CDKL5: variants seen among roughly 807,000 people sequenced by gnomAD.
CDKL5 encodes cyclin-dependent kinase-like 5.
A neutral mutation model predicts 61.7 loss-of-function variants in CDKL5; 8 were observed. That is an observed-to-expected ratio of 0.13 (90% CI 0.08 to 0.23). The LOEUF is 0.23. CDKL5 is among the 10% of genes least tolerant of loss of function. The pLI is 1.00. For synonymous variants in CDKL5, 275 were observed against 272.3 expected (o/e 1.01, Z -0.10); for missense variants, 440 against 734.5 (o/e 0.60, Z 4.63).
At chrX:18,459,798 G>A (rs748289820) in intron 1 of CDKL5, among the ~76,000 whole-genome samples, 20 of 93,394 alleles carry the variant, frequency 2.1e-4, no homozygotes, top group Admixed American at 1.0e-3. Flanking sequence ...TGTGCCTCCC[G>A]GGTTCAAGTG....
At position 18,598,512 on chromosome X, in the gene CDKL5, G is replaced by A. The variant is rs1926080036; in HGVS notation, c.876G>A (p.Leu292=). The A allele has an allele frequency of 8.3e-7, 1 of 1,204,359 alleles. No individual in the cohort carries two copies. Among genetic ancestry groups the A allele is most frequent in the Non-Finnish European group, 1.1e-6 (1 of 889,982 alleles). Residue 292 remains leucine, a synonymous_variant, in exon 11 of 18, where the codon TTG becomes TTA. Transcript: ENST00000623535. ...ACAGATACTTGACAGAACAGTGTTT[G>A]AATCACCCTACATTTCAAACCCAGA... is the stretch of plus-strand genomic sequence containing the variant. ...PADRYLTEQC[L]NHPTFQTQRL...
intron 1 of CDKL5, among the ~76,000 whole-genome samples, chrX:18,445,567 G>A (rs921115434): frequency 3.6e-5 from 4 of 111,705 alleles, no homozygotes; most frequent in Non-Finnish European, 7.5e-5. Flanking sequence ...ATCTGATCTC[G>A]AATTGTAATC....
intron 1 of CDKL5, among the ~76,000 whole-genome samples, chrX:18,434,190 A>C (rs773581740): frequency 8.9e-6 from 1 of 112,163 alleles, no homozygotes; most frequent in East Asian, 2.8e-4. Flanking sequence ...TTGCTTGGGT[A>C]GACGGACACT....
At position 18,509,197 on chromosome X, in the gene CDKL5, G is replaced by GCACGCGCGCGCGCACACACA. The variant is rs1204561636; in HGVS notation, c.65-1620_65-1619insGCGCGCGCGCACACACACAC. 2.2e-4 allele frequency among the ~76,000 whole-genome samples: 14 copies of GCACGCGCGCGCGCACACACA among 64,308 alleles called. No individual in the cohort carries two copies. In the East Asian group the frequency reaches 4.1e-3, roughly 19 times the overall value. The allele number at this position is 64,308 out of a possible 115,157, so 55.8% of individuals were successfully genotyped here. ...AGAGAGCGAGACTGTCTCAAAACACGCACACACACACACACACACACACAC... is the reference window on the plus strand; with the variant it reads ...AGAGAGCGAGACTGTCTCAAAACACGCACGCGCGCGCGCACACACACACACACACACACACACACACACAC... On this transcript the variant is annotated intron_variant, in intron 2 of 17. Transcript: ENST00000623535.
chrX:18,645,683 C>G (rs1390896915), intron 19 of CDKL5, among the ~76,000 whole-genome samples: 4 of 111,300 alleles, frequency 3.6e-5, no homozygotes, highest in Non-Finnish European at 7.5e-5. Context: ...TGCTCTGGCC[C>G]CACAGGAACC....
Position 18,567,613 on chromosome X carries a change from G to A in CDKL5, c.145+3091G>A, listed in dbSNP as rs148650595. Among the ~76,000 whole-genome samples, 571 of 111,764 alleles carry A rather than the reference G, an allele frequency of 5.1e-3. 1 individual carries two copies. Among genetic ancestry groups the A allele is most frequent in the Non-Finnish European group, 5.3e-3 (284 of 53,181 alleles). ...ACAAAATGCTTTGGCTGGGTGTGGT[G>A]GCTCACACTTGTAATCCCAGCACTT... On this transcript the variant is annotated intron_variant, in intron 4 of 17. Transcript: ENST00000623535.
At chrX:18,613,103 A>T (rs1926610088) in intron 14 of CDKL5, 49 bp from the exon 15 acceptor site, 1 of 1,034,901 alleles carries the variant, frequency 9.7e-7, no homozygotes, top group Non-Finnish European at 1.3e-6. Flanking sequence ...TAAAAAAAAA[A>T]AAAAAAAAAA....
chrX:18,569,465 A>G (rs760568629), intron 4 of CDKL5, among the ~76,000 whole-genome samples: 1 of 112,220 alleles, frequency 8.9e-6, no homozygotes, highest in African/African-American at 3.2e-5. Context: ...TTTTCAGACT[A>G]TGTATAAATT....
At chrX:18,519,218 G>C (rs1000522845) in intron 3 of CDKL5, among the ~76,000 whole-genome samples, 25 of 112,152 alleles carry the variant, frequency 2.2e-4, no homozygotes, top group Admixed American at 1.5e-3. Flanking sequence ...TTGTTGGAAT[G>C]CAGCCACAGT....
At chrX:18,619,793 C>G in intron 15 of CDKL5, 74 bp from the exon 16 acceptor site, 1 of 688,010 alleles carries the variant, frequency 1.5e-6, no homozygotes, top group Non-Finnish European at 2.3e-6. Flanking sequence ...CATTTTCAGT[C>G]CTTATTATAT....
At chrX:18,527,823 C>G (rs1202032982) in intron 3 of CDKL5, among the ~76,000 whole-genome samples, 1 of 111,344 alleles carries the variant, frequency 9.0e-6, no homozygotes, top group African/African-American at 3.3e-5. Context: ...CGTCTGTTTT[C>G]TAATAACGCA....
intron 1 of CDKL5, among the ~76,000 whole-genome samples, chrX:18,495,591 A>G (rs1922139638): frequency 8.9e-6 from 1 of 111,829 alleles, no homozygotes; most frequent in Non-Finnish European, 1.9e-5. Flanking sequence ...ATTCCTTTCT[A>G]CCAGGGACAA....
chrX:18,643,819 A>T (rs745711223), downstream of CDKL5, among the ~76,000 whole-genome samples: 1 of 107,902 alleles, frequency 9.3e-6, no homozygotes, highest in Non-Finnish European at 1.9e-5. Context: ...ATTCATTTTT[A>T]TTCATAGCAA....
At chrX:18,540,562 C>T (rs915123685) in intron 3 of CDKL5, among the ~76,000 whole-genome samples, 6 of 112,119 alleles carry the variant, frequency 5.4e-5, no homozygotes, top group Non-Finnish European at 1.1e-4. Flanking sequence ...TGTTTTCCTT[C>T]ATCTGCGATT....
chrX:18,536,661 G>C (rs896871839), intron 3 of CDKL5, among the ~76,000 whole-genome samples: 2 of 108,637 alleles, frequency 1.8e-5, no homozygotes, highest in Non-Finnish European at 3.8e-5. Flanking sequence ...GGCCAGGCTG[G>C]TCTCGAACTT....
At chrX:18,446,293 G>A (rs192118871) in intron 1 of CDKL5, among the ~76,000 whole-genome samples, 2 of 108,603 alleles carry the variant, frequency 1.8e-5, no homozygotes, top group South Asian at 4.1e-4. Flanking sequence ...GTTGCAGTCC[G>A]TGAGCTGAGA....
chrX:18,544,194 A>G (rs956955117), intron 3 of CDKL5, among the ~76,000 whole-genome samples: 1 of 112,071 alleles, frequency 8.9e-6, no homozygotes, highest in African/African-American at 3.2e-5. Context: ...TTGGATGGGA[A>G]GTTCAGCTCT....
chrX:18,425,880 C>T (rs1168254965), intron 1 of CDKL5, among the ~76,000 whole-genome samples, 185 bp downstream of exon 1: 1 of 112,927 alleles, frequency 8.9e-6, no homozygotes, highest in African/African-American at 3.2e-5. Flanking sequence ...CGGAGTAGCC[C>T]CTCCTCAGCG....
chrX:18,604,560 G>A lies in CDKL5; in HGVS notation c.1636G>A (p.Gly546Arg), dbSNP rs587783153. 10 of 1,209,905 alleles carry A rather than the reference G, an allele frequency of 8.3e-6. No individual in the cohort carries two copies. Among genetic ancestry groups the A allele is most frequent in the Non-Finnish European group, 7.8e-6 (7 of 895,156 alleles). The change falls in exon 12 of 18, where the codon GGA (glycine) becomes AGA (arginine). Residue 546 changes from glycine (G) to arginine (R), a missense_variant. Gly to Arg is a moderately radical substitution (Grantham distance 125). This residue lies in a region of CDKL5 where 363 missense variants were observed against 516.3 expected (regional missense o/e 0.70). Transcript: ENST00000623535. ...CACGAGAACTTTGCTCAGCCCTTCT[G>A]GAAGAAATAACCGAAATGAGGGAAC... is the stretch of plus-strand genomic sequence containing the variant. ...SDTRTLLSPS[G>R]RNNRNEGTLD... is the part of the protein sequence containing the mutation.
Sources: allele counts gnomAD v4.1 joint callset (sites outside exome capture counted in the v4.1 genomes callset), GRCh38; gene constraint gnomAD v4.1.1; regional missense constraint gnomAD v4.1.1; transcripts MANE v1.5; gene names NCBI Gene and HGNC (gene_info 2026-07-23, HGNC 2026-07-21).